Variants in C1QTNF5 observed in about 807,000 individuals in gnomAD.
The protein encoded by C1QTNF5 is complement C1q tumor necrosis factor-related protein 5.
In C1QTNF5, 5 loss-of-function variants were observed where a neutral mutation model predicts 10.9. That is an observed-to-expected ratio of 0.46 (90% CI 0.24 to 0.97). The LOEUF is 0.97. Among genes scored for constraint, C1QTNF5 ranks in the 50% least tolerant of loss-of-function variants. C1QTNF5 has a pLI of 0.19. For synonymous variants in C1QTNF5, 161 were observed against 156.5 expected (o/e 1.03, Z -0.22); for missense variants, 281 against 339.4 (o/e 0.83, Z 1.35).
At chr11:119,342,100 A>G (rs1192141709), upstream of C1QTNF5, 1 of 1,209,424 alleles carries the variant, frequency 8.3e-7, no homozygotes, top group East Asian at 2.4e-5. Flanking sequence ...GGTGGTTGTG[A>G]GGAAGCAAGA....
upstream of C1QTNF5, chr11:119,345,614 A>G (rs530195019): frequency 5.0e-6 from 8 of 1,613,788 alleles, no homozygotes; most frequent in South Asian, 1.1e-5. Flanking sequence ...CCCTTGGGCC[A>G]GAGAGGAGGC....
upstream of C1QTNF5, chr11:119,341,864 C>T (rs750160394): frequency 6.2e-7 from 1 of 1,610,448 alleles, no homozygotes. Context: ...GACCTTGTAA[C>T]CGCTGAGGAC....
chr11:119,342,514 T>G, upstream of C1QTNF5: 2 of 1,560,974 alleles, frequency 1.3e-6, no homozygotes, highest in Non-Finnish European at 1.7e-6. Context: ...GAGGTTGGGA[T>G]GGGACACTGT....
At chr11:119,345,840 G>A (rs369448482), upstream of C1QTNF5, 2 of 1,613,976 alleles carry the variant, frequency 1.2e-6, no homozygotes, top group African/African-American at 1.3e-5. Context: ...CCTGAGAGGT[G>A]GTGATGGTGG....
chr11:119,341,791 C>T (rs200556504), upstream of C1QTNF5: 659 of 1,613,288 alleles, frequency 4.1e-4, no homozygotes, highest in Non-Finnish European at 5.2e-4. Flanking sequence ...GGAGAGTGGC[C>T]TTCAGGCACC....
upstream of C1QTNF5, chr11:119,341,600 T>C (rs1385109206): frequency 6.2e-7 from 1 of 1,612,804 alleles, no homozygotes; most frequent in South Asian, 1.1e-5. Flanking sequence ...CCTGTTGCAG[T>C]TGAAGGGCCA....
rs1434649899 is a variant in C1QTNF5 at position 119,339,910 on chromosome 11, G to A, written c.215-62C>T. ...GCGGCTCAGCCCGCAGCGGGGCGGC[G>A]ACTCTAAGGTCACCGTACCCCTCCC... is the stretch of plus-strand genomic sequence containing the variant. On this transcript the variant is annotated intron_variant, in intron 2 of 2. Coordinates refer to ENST00000528368, the MANE Select transcript of C1QTNF5 (RefSeq NM_001278431.2). This position sits in a 1 kb window ranked among gnomAD's most constrained non-coding sequence, Gnocchi z 5.4. The A allele has an allele frequency of 2.8e-6, 4 of 1,424,242 alleles. No homozygotes were observed. The highest frequency in any genetic ancestry group is 3.0e-5 in the South Asian group (2 of 67,006). 88.2% of individuals were successfully genotyped at this position (1,424,242 alleles called of 1,614,324 possible).
At chr11:119,344,932 G>T, upstream of C1QTNF5, 1 of 1,611,222 alleles carries the variant, frequency 6.2e-7, no homozygotes, top group Non-Finnish European at 8.5e-7. Context: ...CCACACTGCT[G>T]TCAGAGACGA....
upstream of C1QTNF5, chr11:119,343,013 G>A (rs1380986152): frequency 2.5e-6 from 4 of 1,595,970 alleles, no homozygotes; most frequent in Non-Finnish European, 3.4e-6. Context: ...CCTGCCCAAA[G>A]CAGACAGCTG....
chr11:119,345,806 G>C, upstream of C1QTNF5: 1 of 1,613,842 alleles, frequency 6.2e-7, no homozygotes, highest in African/African-American at 1.3e-5. Flanking sequence ...CCTGACTCCT[G>C]CTGCCCTTTA....
chr11:119,343,043 C>A (rs1181268691), upstream of C1QTNF5: 1 of 1,567,364 alleles, frequency 6.4e-7, no homozygotes, highest in Non-Finnish European at 8.6e-7. Flanking sequence ...CCAGCCCTGG[C>A]TGACTGAGGG....
chr11:119,341,934 T>G, upstream of C1QTNF5: 1 of 1,613,944 alleles, frequency 6.2e-7, no homozygotes, highest in Non-Finnish European at 8.5e-7. Flanking sequence ...GCTGTGGTGT[T>G]GTAGCTCAGA....
At chr11:119,345,758 G>GC, upstream of C1QTNF5, 2 of 1,613,348 alleles carry the variant, frequency 1.2e-6, no homozygotes, top group Non-Finnish European at 1.7e-6. Flanking sequence ...CGGAAGATCT[G>GC]CCCCCAGTAC....
chr11:119,341,437 A>G (rs1454463198), upstream of C1QTNF5: 3 of 902,870 alleles, frequency 3.3e-6, no homozygotes, highest in Admixed American at 7.1e-5. Context: ...TGGGAGCCCC[A>G]GAGAAGGATG....
At chr11:119,340,100 C>A in intron 2 of C1QTNF5, 84 bp downstream of exon 2, 1 of 1,425,018 alleles carries the variant, frequency 7.0e-7, no homozygotes, top group Non-Finnish European at 9.2e-7. Flanking sequence ...TGGCGGGAGA[C>A]CCGAGTCCCG....
chr11:119,346,292 C>T, the C1QTNF5 span: 2 of 1,613,668 alleles, frequency 1.2e-6, no homozygotes, highest in Admixed American at 3.3e-5. Flanking sequence ...AGCTGGGACG[C>T]TGTAGCTGGC....
Position 119,339,427 on chromosome 11 carries a change from A to T in C1QTNF5, c.636T>A (p.Gly212=). 2 of 1,613,596 alleles carry T rather than the reference A, an allele frequency of 1.2e-6. No individual in the cohort carries two copies. The highest frequency in any genetic ancestry group is 1.7e-6 in the Non-Finnish European group (2 of 1,179,782). The change falls in exon 3 of 3, where the codon GGT becomes GGA. Residue 212 remains glycine, a synonymous_variant. Coordinates refer to ENST00000528368, the MANE Select transcript of C1QTNF5 (RefSeq NM_001278431.2). The surrounding 1 kb of genome is among the most constrained non-coding windows in gnomAD (Gnocchi z 5.4). ...TGCTGGCATAGATGCCAATGTAGTC[A>T]CCCACACCCACCTGCACCCACACTT... is the stretch of plus-strand genomic sequence containing the variant. ...EDQVWVQVGV[G]DYIGIYASIK... is the part of the protein sequence containing the mutation.
rs1591299104 is a variant in C1QTNF5, at chr11:119,339,427, A to G, written c.636T>C (p.Gly212=). The G allele has an allele frequency of 6.2e-7, 1 of 1,613,478 alleles. No homozygotes were observed. Among genetic ancestry groups the G allele is most frequent in the African/African-American group, 1.3e-5 (1 of 74,824 alleles). Residue 212 remains glycine, a synonymous_variant, in exon 3 of 3, where the codon GGT becomes GGC. Coordinates refer to ENST00000528368, the MANE Select transcript of C1QTNF5 (RefSeq NM_001278431.2). The surrounding 1 kb of genome is among the most constrained non-coding windows in gnomAD (Gnocchi z 5.4). ...EDQVWVQVGV[G]DYIGIYASIK... Reference sequence around the variant, plus strand: ...TGCTGGCATAGATGCCAATGTAGTCACCCACACCCACCTGCACCCACACTT... The same window carrying G: ...TGCTGGCATAGATGCCAATGTAGTCGCCCACACCCACCTGCACCCACACTT...
Position 119,339,931 on chromosome 11 carries a change from C to T in C1QTNF5, c.215-83G>A, listed in dbSNP as rs1950483323. On this transcript the variant is annotated intron_variant, in intron 2 of 2. Coordinates refer to ENST00000528368, the MANE Select transcript of C1QTNF5 (RefSeq NM_001278431.2). The surrounding 1 kb of genome is among the most constrained non-coding windows in gnomAD (Gnocchi z 5.4). ...CGGCGACTCTAAGGTCACCGTACCC[C>T]TCCCCGCCCCTGCCTGAGCTTCGGC... 3 of 1,402,418 alleles carry T rather than the reference C, an allele frequency of 2.1e-6. No individual in the cohort carries two copies. Among genetic ancestry groups the T allele is most frequent in the Non-Finnish European group, 2.8e-6 (3 of 1,080,210 alleles). 86.9% of individuals were successfully genotyped at this position (1,402,418 alleles called of 1,614,324 possible).
Sources: allele counts gnomAD v4.1 joint callset, GRCh38; gene constraint gnomAD v4.1.1; non-coding constraint Gnocchi (gnomAD v3.1); transcripts MANE v1.5; gene names NCBI Gene and HGNC (gene_info 2026-07-23, HGNC 2026-07-21).